The following SLIT3 variants were observed in gnomAD, a reference collection of about 807,000 sequenced individuals.
The protein encoded by SLIT3 is slit guidance ligand 3.
In SLIT3, 68 loss-of-function variants were observed where a neutral mutation model predicts 184.0. The observed-to-expected ratio is 0.37, with a 90% CI of 0.30 to 0.45. The LOEUF is 0.45. SLIT3 is among the 20% of genes least tolerant of loss of function. The pLI is 1.00. For synonymous variants in SLIT3, 831 were observed against 828.6 expected (o/e 1.00, Z -0.05); for missense variants, 1,707 against 2,026.0 (o/e 0.84, Z 3.02).
chr5:168,991,382 G>A (rs1475222839), intron 4 of SLIT3, among the ~76,000 whole-genome samples: 1 of 152,212 alleles, frequency 6.6e-6, no homozygotes, highest in Non-Finnish European at 1.5e-5. Context: ...CACCAGCATG[G>A]GGCAGTCACC....
At chr5:168,707,952 G>T (rs3733973) in intron 26 of SLIT3, 24 bp downstream of exon 26, 2 of 1,612,960 alleles carry the variant, frequency 1.2e-6, no homozygotes, top group East Asian at 2.2e-5. Flanking sequence ...GCATGAACAC[G>T]GGGGGGCAGG....
chr5:169,077,511 C>G (rs1237919220), intron 4 of SLIT3, among the ~76,000 whole-genome samples: 1 of 152,076 alleles, frequency 6.6e-6, no homozygotes, highest in Non-Finnish European at 1.5e-5. Flanking sequence ...TGCACTCCAG[C>G]CTGGGTGACA....
chr5:169,277,655 GTTTATAGACAC>G (rs1181939941), intron 1 of SLIT3, among the ~76,000 whole-genome samples: 1 of 152,162 alleles, frequency 6.6e-6, no homozygotes, highest in Non-Finnish European at 1.5e-5. Context: ...CCATTCATCT[GTTTATAGACAC>G]TTGGGGTTTT....
At chr5:168,769,192 G>A (rs923805007) in intron 14 of SLIT3, among the ~76,000 whole-genome samples, 8 of 152,150 alleles carry the variant, frequency 5.3e-5, no homozygotes, top group African/African-American at 1.9e-4. Flanking sequence ...AATAACCACT[G>A]TCAGGATGCC....
Position 169,116,745 on chromosome 5 carries a change from A to G in SLIT3, c.413+76734T>C, listed in dbSNP as rs141675252. 5.4e-3 allele frequency among the ~76,000 whole-genome samples: 830 copies of G among 152,332 alleles called. 10 individuals carry two copies. Among genetic ancestry groups the G allele is most frequent in the African/African-American group, 0.019 (793 of 41,576 alleles). On this transcript the variant is annotated intron_variant, in intron 4 of 35. Coordinates refer to ENST00000519560, the MANE Select transcript of SLIT3 (RefSeq NM_003062.4). ...GGAGAAACAGGCTAATCAGGGCTGC[A>G]TCAGGAGAAGAGGCCCTAACTACTT...
intron 8 of SLIT3, among the ~76,000 whole-genome samples, chr5:168,810,509 GAGCTCT>G (rs1326274660): frequency 2.0e-5 from 3 of 152,190 alleles, no homozygotes; most frequent in Non-Finnish European, 4.4e-5. Context: ...TCTGCTCTTG[GAGCTCT>G]TTCAGTGGCA....
intron 4 of SLIT3, among the ~76,000 whole-genome samples, chr5:169,059,780 T>C (rs1010826649): frequency 1.3e-5 from 2 of 152,216 alleles, no homozygotes; most frequent in Non-Finnish European, 2.9e-5. Flanking sequence ...GAGCTGCCCT[T>C]TGAAGGGGAA....
intron 6 of SLIT3, among the ~76,000 whole-genome samples, chr5:168,828,331 C>T (rs2060511397): frequency 6.6e-6 from 1 of 152,028 alleles, no homozygotes; most frequent in African/African-American, 2.4e-5. Context: ...GGCAGTGGTT[C>T]TCAAAATGTG....
At chr5:168,934,420 T>C (rs1762088158) in intron 4 of SLIT3, among the ~76,000 whole-genome samples, 1 of 152,228 alleles carries the variant, frequency 6.6e-6, no homozygotes. Context: ...GAGAAATTGC[T>C]AATTCATTTA....
intron 4 of SLIT3, among the ~76,000 whole-genome samples, chr5:168,927,714 C>T (rs1456496136): frequency 6.6e-6 from 1 of 152,224 alleles, no homozygotes; most frequent in African/African-American, 2.4e-5. Flanking sequence ...CATCGCAGGG[C>T]CCCCGCCCTT....
chr5:168,689,503 A>T, intron 29 of SLIT3, among the ~76,000 whole-genome samples: 1 of 152,210 alleles, frequency 6.6e-6, no homozygotes, highest in South Asian at 2.1e-4. Context: ...GAGGTGGCTT[A>T]TGCCACCTCA....
At chr5:168,801,644 G>T (rs75214760) in intron 9 of SLIT3, among the ~76,000 whole-genome samples, 1,652 of 152,258 alleles carry the variant, frequency 0.011, 39 homozygotes, top group African/African-American at 0.037. Flanking sequence ...ACTCATGAGG[G>T]CGTCTGAAGA....
chr5:169,136,186 C>T (rs1272741323), intron 4 of SLIT3, among the ~76,000 whole-genome samples: 1 of 152,126 alleles, frequency 6.6e-6, no homozygotes, highest in African/African-American at 2.4e-5. Context: ...CCAGATCAGG[C>T]CTCAGAAATC....
At position 168,749,621 on chromosome 5, in the gene SLIT3, T is replaced by C; in HGVS notation, c.1988A>G (p.Asn663Ser). The change falls in exon 19 of 36, where the codon AAC (asparagine) becomes AGC (serine). Residue 663 changes from asparagine (N) to serine (S), a missense_variant. Around this residue, in one of 3 missense-constraint regions of SLIT3, gnomAD observed 1,307 missense variants for 1,511.6 expected, o/e 0.86. Coordinates refer to ENST00000519560, the MANE Select transcript of SLIT3 (RefSeq NM_003062.4). Reference sequence around the variant, plus strand: ...CAGGTGGCAGTTGCAGTTGAAGGGGTTGGACAGGAGGTTTCTAGGAAGAGA... The same window carrying C: ...CAGGTGGCAGTTGCAGTTGAAGGGGCTGGACAGGAGGTTTCTAGGAAGAGA... ...VSLSTINLLSNPFNCNCHLAW... is the reference protein window; with the variant it reads ...VSLSTINLLSSPFNCNCHLAW... 6.2e-7 allele frequency: 1 copy of C among 1,614,016 alleles called. No individual in the cohort carries two copies. The highest frequency in any genetic ancestry group is 8.5e-7 in the Non-Finnish European group (1 of 1,179,978).
chr5:168,863,028 G>A (rs191460244), intron 5 of SLIT3, among the ~76,000 whole-genome samples: 1 of 152,266 alleles, frequency 6.6e-6, no homozygotes, highest in Admixed American at 6.5e-5. Flanking sequence ...AATGTGGGCT[G>A]GGGGTGCAGA....
chr5:169,271,564 T>C (rs1399011555), intron 1 of SLIT3, among the ~76,000 whole-genome samples: 1 of 152,162 alleles, frequency 6.6e-6, no homozygotes, highest in Non-Finnish European at 1.5e-5. Context: ...AGGCAGGGGC[T>C]TTGCAGGAAC....
intron 4 of SLIT3, among the ~76,000 whole-genome samples, chr5:169,118,402 T>G (rs1760768002): frequency 6.6e-6 from 1 of 152,168 alleles, no homozygotes; most frequent in South Asian, 2.1e-4. Flanking sequence ...TGACACTGGC[T>G]GAAGGTGCCT....
chr5:169,218,701 TCTTA>T (rs1277244688), intron 3 of SLIT3, among the ~76,000 whole-genome samples: 1 of 152,178 alleles, frequency 6.6e-6, no homozygotes, highest in African/African-American at 2.4e-5. Context: ...TAGTTCTGAG[TCTTA>T]CTTAAGATCA....
intron 5 of SLIT3, among the ~76,000 whole-genome samples, chr5:168,853,545 G>A (rs150040189): frequency 6.4e-4 from 98 of 152,286 alleles, no homozygotes; most frequent in African/African-American, 2.2e-3. Context: ...CCATGATAAT[G>A]ATTGCACACA....
Sources: allele counts gnomAD v4.1 joint callset (sites outside exome capture counted in the v4.1 genomes callset), GRCh38; gene constraint gnomAD v4.1.1; regional missense constraint gnomAD v4.1.1; transcripts MANE v1.5; gene names NCBI Gene and HGNC (gene_info 2026-07-23, HGNC 2026-07-21).